Variants in ZNF131 observed in about 807,000 individuals in gnomAD.
ZNF131 encodes the protein zinc finger and BTB domain containing 35, also known as zinc finger protein 131.
ZNF131 carries 7 observed loss-of-function variants against 60.0 expected under a neutral mutation model. That is an observed-to-expected ratio of 0.12 (90% CI 0.07 to 0.22). The LOEUF (loss-of-function observed/expected upper bound fraction) is 0.22, where lower values mean the gene tolerates loss of function less well. ZNF131 is among the 10% of genes least tolerant of loss of function. ZNF131 has a pLI of 1.00. For missense variants in ZNF131, 493 were observed against 740.9 expected (o/e 0.67, Z 3.88); for synonymous variants, 257 against 253.2 (o/e 1.01, Z -0.14).
At chr5:43,124,190 C>G (rs1744220226) in intron 3 of ZNF131, 1 of 152,144 alleles carries the variant, frequency 6.6e-6, no homozygotes, top group Non-Finnish European at 1.5e-5. Context: ...CCAGGGTTGT[C>G]CAACTAGCAA....
chr5:43,146,239 C>T (rs541776428), intron 4 of ZNF131, among the ~76,000 whole-genome samples: 8 of 152,202 alleles, frequency 5.3e-5, no homozygotes, highest in Admixed American at 2.6e-4. Context: ...TGAACGACAC[C>T]GAAAAGAAAT....
chr5:43,130,866 CT>C (rs1745255867), intron 3 of ZNF131, among the ~76,000 whole-genome samples: 1 of 138,144 alleles, frequency 7.2e-6, no homozygotes, highest in Non-Finnish European at 1.6e-5. Context: ...ACGCCCGGCT[CT>C]TTTGTTTGTT....
chr5:43,152,573 G>A (rs916461123), intron 4 of ZNF131, among the ~76,000 whole-genome samples: 1 of 152,060 alleles, frequency 6.6e-6, no homozygotes, highest in African/African-American at 2.4e-5. Flanking sequence ...AATTTGAAAG[G>A]TTCTAGGGGC....
chr5:43,138,375 T>A (rs1054747635), intron 3 of ZNF131, among the ~76,000 whole-genome samples: 1 of 152,046 alleles, frequency 6.6e-6, no homozygotes, highest in African/African-American at 2.4e-5. Flanking sequence ...CAAGTCAGGC[T>A]GGGTGCGGTG....
intron 4 of ZNF131, among the ~76,000 whole-genome samples, chr5:43,144,742 CCTGT>C (rs955245574): frequency 2.0e-5 from 3 of 152,046 alleles, no homozygotes; most frequent in Non-Finnish European, 2.9e-5. Context: ...AATATTTTAT[CCTGT>C]CTTAGATTTA....
At chr5:43,127,304 A>G (rs1744676506) in intron 3 of ZNF131, among the ~76,000 whole-genome samples, 1 of 152,184 alleles carries the variant, frequency 6.6e-6, no homozygotes, top group Non-Finnish European at 1.5e-5. Context: ...ATAATTAAAA[A>G]TCTTTCAGGA....
chr5:43,137,635 A>G (rs1746293240), intron 3 of ZNF131, among the ~76,000 whole-genome samples: 4 of 152,196 alleles, frequency 2.6e-5, no homozygotes, highest in African/African-American at 2.4e-5. Context: ...TCCTTGCACA[A>G]TGTTGGCAGG....
At position 43,170,702 on chromosome 5, in the gene ZNF131, G is replaced by T. The variant is rs1445678368; in HGVS notation, c.1055-2616G>T. ...GGCTGGAGTGCAGTGGTGCAATCTC[G>T]GCTCACTGCAACCTCCGCCTCCCAG... On this transcript the variant is annotated intron_variant, in intron 5 of 6. Transcript: ENST00000682664. Among the ~76,000 whole-genome samples the T allele has an allele frequency of 5.4e-5, 8 of 149,066 alleles. No homozygotes were observed. The Admixed American group carries it at 5.4e-4, about 10-fold the overall frequency.
At chr5:43,149,330 G>A (rs1453698837) in intron 4 of ZNF131, among the ~76,000 whole-genome samples, 1 of 151,938 alleles carries the variant, frequency 6.6e-6, no homozygotes, top group Non-Finnish European at 1.5e-5. Context: ...CAAGGCGGGT[G>A]GATCAAAAAA....
intron 4 of ZNF131, among the ~76,000 whole-genome samples, chr5:43,153,711 C>T (rs975367800): frequency 1.3e-5 from 2 of 152,100 alleles, no homozygotes; most frequent in Non-Finnish European, 2.9e-5. Flanking sequence ...TATATTACTT[C>T]CCTCCCCTTC....
At chr5:43,137,160 G>A (rs184643936) in intron 3 of ZNF131, among the ~76,000 whole-genome samples, 2 of 152,228 alleles carry the variant, frequency 1.3e-5, no homozygotes, top group East Asian at 3.9e-4. Context: ...TAGTAATTTC[G>A]TGGATGTGAC....
At position 43,147,733 on chromosome 5, in the gene ZNF131, T is replaced by TA. The variant is rs1206761067; in HGVS notation, c.371+8438dup. Among the ~76,000 whole-genome samples the TA allele has an allele frequency of 8.9e-3, 1,200 of 135,292 alleles. 16 individuals are homozygous for TA. Among genetic ancestry groups the TA allele is most frequent in the African/African-American group, 0.025 (946 of 37,344 alleles). The allele number at this position is 135,292 out of a possible 152,430, so 88.8% of individuals were successfully genotyped here. A position where few individuals can be genotyped will look rare whatever the true frequency, so the allele number is the denominator to read the frequency against. On this transcript the variant is annotated intron_variant, in intron 4 of 6. Coordinates refer to ENST00000682664, the MANE Select transcript of ZNF131 (RefSeq NM_001330707.2). Reference sequence around the variant, plus strand: ...ACCGCGCCCGGCCAGTTTGGAAGTTTAAAAAAAAAAAAAACAGTTTGGAAG... The same window carrying TA: ...ACCGCGCCCGGCCAGTTTGGAAGTTTAAAAAAAAAAAAAAACAGTTTGGAAG...
intron 4 of ZNF131, among the ~76,000 whole-genome samples, chr5:43,160,672 T>G (rs1749567603): frequency 6.8e-6 from 1 of 146,130 alleles, no homozygotes; most frequent in South Asian, 2.2e-4. Context: ...AATGATTAGC[T>G]TGGAACTTTT....
chr5:43,155,824 G>C (rs1275696560), intron 4 of ZNF131, among the ~76,000 whole-genome samples: 1 of 152,186 alleles, frequency 6.6e-6, no homozygotes, highest in African/African-American at 2.4e-5. Context: ...TACCTGATGA[G>C]TAGGCCTCTG....
intron 3 of ZNF131, among the ~76,000 whole-genome samples, chr5:43,132,888 G>A (rs1678652392): frequency 6.6e-6 from 1 of 152,142 alleles, no homozygotes; most frequent in Non-Finnish European, 1.5e-5. Flanking sequence ...TCTTACTGCT[G>A]TCCTGAAGGC....
At chr5:43,140,019 C>T (rs62368861) in intron 4 of ZNF131, among the ~76,000 whole-genome samples, 3,465 of 152,254 alleles carry the variant, frequency 0.023, 64 homozygotes, top group Non-Finnish European at 0.036. Flanking sequence ...AGTTCACAAA[C>T]AGCCTGGGCA....
At chr5:43,173,506 C>A in intron 6 of ZNF131, 58 bp downstream of exon 6, 1 of 1,556,500 alleles carries the variant, frequency 6.4e-7, no homozygotes. Context: ...TTGCAGTCAT[C>A]AAAAGCAAAG....
At chr5:43,123,137 G>T in intron 2 of ZNF131, 72 bp from the exon 3 acceptor site, 1 of 1,217,386 alleles carries the variant, frequency 8.2e-7, no homozygotes, top group Non-Finnish European at 1.2e-6. Flanking sequence ...TGATTTTTAA[G>T]TCTATTTTGT....
chr5:43,133,123 T>C (rs1745577733), intron 3 of ZNF131, among the ~76,000 whole-genome samples: 1 of 152,146 alleles, frequency 6.6e-6, no homozygotes, highest in South Asian at 2.1e-4. Flanking sequence ...TAGGACTAAA[T>C]TTTAAACACA....
Sources: allele counts gnomAD v4.1 joint callset (sites outside exome capture counted in the v4.1 genomes callset), GRCh38; gene constraint gnomAD v4.1.1; transcripts MANE v1.5; gene names NCBI Gene and HGNC (gene_info 2026-07-23, HGNC 2026-07-21).